SYT16: variants seen among roughly 807,000 people sequenced by gnomAD.
SYT16 encodes the protein synaptotagmin 16.
Under a neutral mutation model 61.4 loss-of-function variants are expected in SYT16, and 42 were observed. The observed-to-expected ratio is 0.68, with a 90% CI of 0.53 to 0.89. The LOEUF is 0.89. SYT16 is among the 40% of genes least tolerant of loss of function. The pLI, the probability that SYT16 is intolerant of heterozygous loss-of-function variation, is 0.00. For synonymous variants in SYT16, 314 were observed against 302.3 expected (o/e 1.04, Z -0.40); for missense variants, 804 against 807.3 (o/e 1.00, Z 0.05).
intron 2 of SYT16, among the ~76,000 whole-genome samples, chr14:61,980,409 G>A (rs1486605064): frequency 6.6e-6 from 1 of 152,146 alleles, no homozygotes; most frequent in African/African-American, 2.4e-5. Context: ...TCATGGCAAT[G>A]CATAGTCACT....
Position 61,984,752 on chromosome 14 carries a change from T to G in SYT16, c.-144-11124T>G, listed in dbSNP as rs1036128754. Among the ~76,000 whole-genome samples, 5 of 152,166 alleles carry G rather than the reference T, an allele frequency of 3.3e-5. 1 individual carries two copies. The highest frequency in any genetic ancestry group is 2.0e-4 in the Admixed American group (3 of 15,252). Reference sequence around the variant, plus strand: ...AATATAACTAGCATTTTGGTTTAACTGAATAGATACAATCTGTATAACTAT... The same window carrying G: ...AATATAACTAGCATTTTGGTTTAACGGAATAGATACAATCTGTATAACTAT... On this transcript the variant is annotated intron_variant, in intron 2 of 7. Transcript: ENST00000683842.
At chr14:61,917,433 A>AT (rs2049162921) in intron 1 of SYT16, among the ~76,000 whole-genome samples, 2 of 152,230 alleles carry the variant, frequency 1.3e-5, no homozygotes, top group South Asian at 4.1e-4. Flanking sequence ...CAGTTCTAAG[A>AT]TTTTTTGGGG....
At chr14:61,977,906 A>C (rs1358718628) in intron 2 of SYT16, among the ~76,000 whole-genome samples, 3 of 152,212 alleles carry the variant, frequency 2.0e-5, no homozygotes, top group African/African-American at 7.2e-5. Flanking sequence ...TCTGAAATCA[A>C]GGTGTCAGCA....
chr14:61,942,016 C>T (rs1392406837), intron 1 of SYT16, among the ~76,000 whole-genome samples: 5 of 152,122 alleles, frequency 3.3e-5, no homozygotes, highest in Non-Finnish European at 7.4e-5. Flanking sequence ...GAAAGATGTT[C>T]AGAAATTGGC....
At chr14:62,098,537 C>A (rs2057336813) in intron 7 of SYT16, among the ~76,000 whole-genome samples, 1 of 152,144 alleles carries the variant, frequency 6.6e-6, no homozygotes, top group Non-Finnish European at 1.5e-5. Context: ...TTTTCTGGCA[C>A]TCTAGTGGAG....
intron 1 of SYT16, among the ~76,000 whole-genome samples, chr14:61,881,135 T>C (rs184730481): frequency 2.6e-5 from 4 of 152,368 alleles, no homozygotes; most frequent in Admixed American, 1.3e-4. Flanking sequence ...TCTGGTCTTA[T>C]TGACTTGGCT....
intron 1 of SYT16, among the ~76,000 whole-genome samples, chr14:61,968,175 C>T (rs754763644): frequency 6.6e-5 from 10 of 152,052 alleles, no homozygotes; most frequent in Admixed American, 3.3e-4. Flanking sequence ...GCATGAGAAT[C>T]GCTTAAACTC....
At chr14:62,025,878 G>GT (rs201235882) in intron 3 of SYT16, among the ~76,000 whole-genome samples, 9,231 of 150,876 alleles carry the variant, frequency 0.061, 485 homozygotes, top group African/African-American at 0.15. Context: ...CTTGCAAATT[G>GT]TTAAAAAAAA....
intron 1 of SYT16, among the ~76,000 whole-genome samples, chr14:61,930,014 AG>A (rs1299351769): frequency 6.6e-6 from 1 of 152,194 alleles, no homozygotes; most frequent in African/African-American, 2.4e-5. Flanking sequence ...TAATTGAGCA[AG>A]GAAGGGGCCA....
chr14:61,851,009 A>G (rs976953015), intron 1 of SYT16, among the ~76,000 whole-genome samples: 1 of 152,146 alleles, frequency 6.6e-6, no homozygotes, highest in African/African-American at 2.4e-5. Flanking sequence ...CCCATCACCT[A>G]CGTATTAAGC....
chr14:62,049,467 C>T (rs1366678499), intron 3 of SYT16, among the ~76,000 whole-genome samples: 1 of 152,122 alleles, frequency 6.6e-6, no homozygotes, highest in African/African-American at 2.4e-5. Flanking sequence ...GAGCATTTAG[C>T]CCATTTACAT....
chr14:62,046,729 G>A (rs933934396), intron 3 of SYT16, among the ~76,000 whole-genome samples: 4 of 152,244 alleles, frequency 2.6e-5, no homozygotes, highest in Admixed American at 2.6e-4. Flanking sequence ...CCCATTTCTT[G>A]TTTTTGTCAA....
At chr14:62,084,778 C>T (rs1353695933) in intron 7 of SYT16, among the ~76,000 whole-genome samples, 1 of 152,138 alleles carries the variant, frequency 6.6e-6, no homozygotes, top group Non-Finnish European at 1.5e-5. Context: ...ACCACTTAAC[C>T]ACTAGCTTTG....
chr14:62,068,154 G>T (rs574867708), intron 3 of SYT16, among the ~76,000 whole-genome samples: 2 of 152,120 alleles, frequency 1.3e-5, no homozygotes, highest in Non-Finnish European at 2.9e-5. Flanking sequence ...CTAAGTGTCC[G>T]TCAGTGGACA....
intron 1 of SYT16, among the ~76,000 whole-genome samples, chr14:61,905,383 T>C (rs2048665934): frequency 6.6e-6 from 1 of 152,288 alleles, no homozygotes. Context: ...GGTTTTGCCA[T>C]TATTGGCAAA....
intron 3 of SYT16, among the ~76,000 whole-genome samples, chr14:62,006,395 T>G (rs1008482478): frequency 2.6e-5 from 4 of 152,174 alleles, no homozygotes; most frequent in Admixed American, 6.6e-5. Flanking sequence ...AAAAGCCTTG[T>G]CAAGCTCGCT....
chr14:62,054,752 A>G (rs2055471163), intron 3 of SYT16, among the ~76,000 whole-genome samples: 1 of 152,212 alleles, frequency 6.6e-6, no homozygotes, highest in Non-Finnish European at 1.5e-5. Flanking sequence ...AAGGGAGTTT[A>G]TAACTGCCTT....
chr14:61,856,816 A>G (rs1327993013), intron 1 of SYT16, among the ~76,000 whole-genome samples: 1 of 152,198 alleles, frequency 6.6e-6, no homozygotes, highest in Non-Finnish European at 1.5e-5. Context: ...AAGCATAGGC[A>G]TGGGAGACAT....
In SYT16 at chr14:61,991,478, G is replaced by A. The variant is rs150232380; in HGVS notation, c.-144-4398G>A. Among the ~76,000 whole-genome samples, 29 of 152,140 alleles carry A rather than the reference G, an allele frequency of 1.9e-4. No individual in the cohort carries two copies. The Middle Eastern group carries it at 0.02, about 107-fold the overall frequency. ...ATCCTTGGTGTGCTCTACCAATCAA[G>A]TTGAAATTTACCTAAGCCCCAAAGA... On this transcript the variant is annotated intron_variant, in intron 2 of 7. Coordinates refer to ENST00000683842, the MANE Select transcript of SYT16 (RefSeq NM_001367656.1).
Sources: allele counts gnomAD v4.1 joint callset (sites outside exome capture counted in the v4.1 genomes callset), GRCh38; gene constraint gnomAD v4.1.1; transcripts MANE v1.5; gene names NCBI Gene and HGNC (gene_info 2026-07-23, HGNC 2026-07-21).